CNTNAP2: variants seen among roughly 807,000 people sequenced by gnomAD.
CNTNAP2 encodes contactin-associated protein-like 2.
Under a neutral mutation model 155.2 loss-of-function variants are expected in CNTNAP2, and 98 were observed. That is an observed-to-expected ratio of 0.63 (90% confidence interval 0.54 to 0.75). The LOEUF (loss-of-function observed/expected upper bound fraction) is 0.75, where lower values mean the gene tolerates loss of function less well. Ranked by LOEUF, CNTNAP2 falls within the 30% of genes least tolerant of loss-of-function variation. CNTNAP2 has a pLI of 0.00. For synonymous variants in CNTNAP2, 651 were observed against 631.2 expected (o/e 1.03, Z -0.47); for missense variants, 1,727 against 1,688.1 (o/e 1.02, Z -0.40).
rs375981810 is a variant in CNTNAP2 at position 147,994,982 on chromosome 7, G to A, written c.2383+16993G>A. ...CAAAGCAAAGTCAGCAAAAGGAAAC[G>A]TGCATGAGATGAAGTCCAGAGGAAA... is the stretch of plus-strand genomic sequence containing the variant. On this transcript the variant is annotated intron_variant, in intron 15 of 23. Coordinates refer to ENST00000361727, the MANE Select transcript of CNTNAP2 (RefSeq NM_014141.6). Among the ~76,000 whole-genome samples, 38 of 152,276 alleles carry A rather than the reference G, an allele frequency of 2.5e-4. No homozygotes were observed. The East Asian group carries it at 3.5e-3, about 14-fold the overall frequency.
intron 13 of CNTNAP2, among the ~76,000 whole-genome samples, chr7:147,705,642 T>A (rs1796298754): frequency 6.6e-6 from 1 of 152,250 alleles, no homozygotes; most frequent in African/African-American, 2.4e-5. Flanking sequence ...TCATGCTGAG[T>A]GTAAGGTGTT....
At chr7:146,308,905 A>T (rs541402757) in intron 1 of CNTNAP2, among the ~76,000 whole-genome samples, 101 of 152,266 alleles carry the variant, frequency 6.6e-4, no homozygotes, top group African/African-American at 2.4e-3. Context: ...GCATCACACC[A>T]ACATGGCACA....
At chr7:146,152,617 G>T (rs1010554484) in intron 1 of CNTNAP2, among the ~76,000 whole-genome samples, 1 of 152,020 alleles carries the variant, frequency 6.6e-6, no homozygotes, top group Admixed American at 6.6e-5. Flanking sequence ...ACATCATCTT[G>T]TACTGTGCAT....
intron 1 of CNTNAP2, among the ~76,000 whole-genome samples, chr7:146,644,125 C>A (rs1260918687): frequency 6.6e-6 from 1 of 152,134 alleles, no homozygotes; most frequent in Non-Finnish European, 1.5e-5. Context: ...AATTCGACTT[C>A]CTCTTTTCCT....
chr7:146,390,588 A>G (rs1795526118), intron 1 of CNTNAP2, among the ~76,000 whole-genome samples: 1 of 150,170 alleles, frequency 6.7e-6, no homozygotes, highest in African/African-American at 2.4e-5. Flanking sequence ...AATAAAATAC[A>G]TATATTTTCA....
At chr7:146,629,660 C>T (rs1799478257) in intron 1 of CNTNAP2, among the ~76,000 whole-genome samples, 1 of 152,064 alleles carries the variant, frequency 6.6e-6, no homozygotes, top group Non-Finnish European at 1.5e-5. Flanking sequence ...TAGGTTATTA[C>T]TAGTTACTAG....
At chr7:147,858,336 C>T (rs1285416596) in intron 13 of CNTNAP2, among the ~76,000 whole-genome samples, 1 of 152,212 alleles carries the variant, frequency 6.6e-6, no homozygotes, top group African/African-American at 2.4e-5. Flanking sequence ...ATCCGCCTGC[C>T]TCGGCCTCCC....
rs1554422623 is a variant in CNTNAP2, at chr7:146,359,792, A to ACG, written c.97+242819_97+242820insCG. On this transcript the variant is annotated intron_variant, in intron 1 of 23. Transcript: ENST00000361727. ...TCTATGTGAATATATGTGTGTGTGT[A>ACG]TGTGTGTGTGTGCGTGCGTGCGCAT... 5.5e-3 allele frequency among the ~76,000 whole-genome samples: 831 copies of ACG among 151,814 alleles called. 9 individuals are homozygous for ACG. The highest frequency in any genetic ancestry group is 0.03 in the South Asian group (142 of 4,808).
At chr7:146,704,566 C>T (rs550849802) in intron 1 of CNTNAP2, among the ~76,000 whole-genome samples, 1 of 152,208 alleles carries the variant, frequency 6.6e-6, no homozygotes, top group Non-Finnish European at 1.5e-5. Flanking sequence ...ATGTTCCCAT[C>T]ACACTCTTAC....
chr7:147,565,840 G>A (rs1199106423), intron 12 of CNTNAP2, among the ~76,000 whole-genome samples: 2 of 152,116 alleles, frequency 1.3e-5, no homozygotes, highest in East Asian at 3.9e-4. Context: ...AAACTGAGAT[G>A]CAAATTTTAC....
chr7:147,688,219 A>C (rs1796040684), intron 13 of CNTNAP2, among the ~76,000 whole-genome samples: 1 of 152,168 alleles, frequency 6.6e-6, no homozygotes, highest in African/African-American at 2.4e-5. Context: ...ACATTGCTGG[A>C]AATAAAGAGA....
chr7:147,587,735 A>C (rs1361599613), intron 12 of CNTNAP2, among the ~76,000 whole-genome samples: 2 of 152,148 alleles, frequency 1.3e-5, no homozygotes, highest in Non-Finnish European at 2.9e-5. Context: ...AATAAGACGC[A>C]TAGTGGTATT....
rs200191487 is a variant in CNTNAP2, at chr7:146,395,360, GA to G, written c.97+278388del. ...ACTTCACCAGAAGCAGAGGGAAGGG[GA>G]GCCATTTTATTATTCTTGATTTCAA... On this transcript the variant is annotated intron_variant, in intron 1 of 23. Transcript: ENST00000361727. Among the ~76,000 whole-genome samples, 1,250 of 152,206 alleles carry G rather than the reference GA, an allele frequency of 8.2e-3. 14 individuals are homozygous for G. Among genetic ancestry groups the G allele is most frequent in the African/African-American group, 0.029 (1,193 of 41,540 alleles).
In CNTNAP2 at chr7:147,522,787, CA is replaced by C. The variant is rs746780496; in HGVS notation, c.1777+36759del. ...GCCCAGCAAAAAAAAAACAAAAAAA[CA>C]AAAAAAAAAAAACCTACTAAAAAAT... On this transcript the variant is annotated intron_variant, in intron 11 of 23. Transcript: ENST00000361727. 5.3e-3 allele frequency among the ~76,000 whole-genome samples: 564 copies of C among 106,136 alleles called. 7 individuals are homozygous for C. Among genetic ancestry groups the C allele is most frequent in the African/African-American group, 0.011 (352 of 30,964 alleles). 69.6% of individuals were successfully genotyped at this position (106,136 alleles called of 152,430 possible). A position where few individuals can be genotyped will look rare whatever the true frequency, so the allele number is the denominator to read the frequency against.
At chr7:146,697,218 A>G (rs1287208983) in intron 1 of CNTNAP2, among the ~76,000 whole-genome samples, 1 of 151,576 alleles carries the variant, frequency 6.6e-6, no homozygotes, top group African/African-American at 2.4e-5. Context: ...TCAGAGAGTT[A>G]ATACCTTTTT....
At chr7:147,886,394 G>C (rs1799598989) in intron 13 of CNTNAP2, among the ~76,000 whole-genome samples, 1 of 136,932 alleles carries the variant, frequency 7.3e-6, no homozygotes, top group Admixed American at 8.5e-5. Context: ...AGAATCGCTT[G>C]AACCCAGGAG....
chr7:147,399,762 C>T (rs1250690740), intron 10 of CNTNAP2, among the ~76,000 whole-genome samples: 2 of 152,074 alleles, frequency 1.3e-5, no homozygotes, highest in Non-Finnish European at 2.9e-5. Context: ...TTGACAGAAT[C>T]CCTTTTGTTT....
At chr7:147,601,644 A>AAAAAATATATATATAT (rs1299075338) in intron 12 of CNTNAP2, among the ~76,000 whole-genome samples, 3 of 87,466 alleles carry the variant, frequency 3.4e-5, no homozygotes, top group African/African-American at 1.3e-4. Flanking sequence ...CTTAAAAAAA[A>AAAAAATATATATATAT]ATATATATAT....
At chr7:147,467,874 T>G (rs1352269454) in intron 10 of CNTNAP2, among the ~76,000 whole-genome samples, 4 of 151,544 alleles carry the variant, frequency 2.6e-5, no homozygotes, top group Non-Finnish European at 5.9e-5. Flanking sequence ...TAAAAAAAAT[T>G]TTAAAAATCA....
Sources: gnomAD v4.1 joint callset for allele counts (sites outside exome capture counted in the v4.1 genomes callset) on GRCh38, gnomAD v4.1.1 for gene constraint, MANE v1.5 for transcripts, NCBI Gene and HGNC (gene_info 2026-07-23, HGNC 2026-07-21) for gene names.